The following HPD variants were observed in gnomAD, a reference collection of about 807,000 sequenced individuals.
HPD encodes 4-hydroxyphenylpyruvate dioxygenase.
A neutral mutation model predicts 56.9 loss-of-function variants in HPD; 35 were observed. The ratio of observed to expected loss-of-function variants is 0.62; its 90% confidence interval spans 0.47 to 0.82. The LOEUF is 0.82. HPD is among the 40% of genes least tolerant of loss of function. The probability of loss-of-function intolerance (pLI) is 0.00; values close to 1 mark genes in which losing one functional copy is unlikely to be tolerated. For synonymous variants in HPD, 186 were observed against 200.2 expected (o/e 0.93, Z 0.60); for missense variants, 442 against 506.8 (o/e 0.87, Z 1.23).
At chr12:121,847,738 T>G (rs967125296) in intron 9 of HPD, among the ~76,000 whole-genome samples, 1 of 152,034 alleles carries the variant, frequency 6.6e-6, no homozygotes, top group African/African-American at 2.4e-5. Context: ...TGTTTCACTG[T>G]GTTGGTCAGG....
At chr12:121,855,830 C>T (rs1349237140) in intron 6 of HPD, among the ~76,000 whole-genome samples, 3 of 151,960 alleles carry the variant, frequency 2.0e-5, no homozygotes, top group Non-Finnish European at 4.4e-5. Context: ...ACTAGCCGGG[C>T]GTGGTGGCGC....
upstream of HPD, among the ~76,000 whole-genome samples, chr12:121,865,328 G>GTC: frequency 6.6e-6 from 1 of 151,782 alleles, no homozygotes; most frequent in South Asian, 2.1e-4. Flanking sequence ...GGAGTGCACT[G>GTC]GCATGATCTC....
intron 6 of HPD, 112 bp downstream of exon 6, chr12:121,856,212 T>C (rs778593350): frequency 1.8e-5 from 15 of 819,584 alleles, no homozygotes; most frequent in East Asian, 1.7e-4. Context: ...CACTGTGATG[T>C]GGCATCTGGG....
upstream of HPD, among the ~76,000 whole-genome samples, chr12:121,866,085 C>T (rs1375213915): frequency 1.3e-5 from 2 of 151,950 alleles, no homozygotes; most frequent in Non-Finnish European, 2.9e-5. Flanking sequence ...ATCACGAGGT[C>T]GGGAGATCGA....
intron 2 of HPD, 118 bp from the exon 3 acceptor site, chr12:121,857,937 G>T: frequency 1.3e-6 from 1 of 782,768 alleles, no homozygotes; most frequent in Non-Finnish European, 2.2e-6. Context: ...GAACTTAGGA[G>T]CAGCGGAACC....
chr12:121,847,470 C>T (rs926714287), intron 9 of HPD, among the ~76,000 whole-genome samples: 3 of 152,140 alleles, frequency 2.0e-5, no homozygotes, highest in African/African-American at 4.8e-5. Flanking sequence ...TTGCTCCTCC[C>T]ACCTCAGCTT....
chr12:121,843,593 C>T (rs1406367621), intron 12 of HPD, 117 bp downstream of exon 12: 6 of 1,190,414 alleles, frequency 5.0e-6, no homozygotes, highest in South Asian at 1.3e-5. Context: ...AATAAATGTC[C>T]TTTGCCAGCA....
upstream of HPD, among the ~76,000 whole-genome samples, chr12:121,860,907 A>G (rs2137638201): frequency 6.6e-6 from 1 of 152,038 alleles, no homozygotes; most frequent in South Asian, 2.1e-4. Flanking sequence ...ACTTGTATCA[A>G]AAATAGATAA....
At chr12:121,869,380 G>A in the HPD span, among the ~76,000 whole-genome samples, 124,287 of 147,636 alleles carry the variant, frequency 0.84, 52,474 homozygotes, top group Middle Eastern at 0.91. Flanking sequence ...AAAAATTGGT[G>A]GATATGGGGT....
chr12:121,856,335 A>G lies in HPD; in HGVS notation c.313T>C (p.Tyr105His). ...DIAFEVEDCD[Y>H]IVQKARERGA... ...AGGTGCTTTCTTACCTGCACGATGTAGTCACAATCTTCCACCTCGAACGCA... is the reference window on the plus strand; with the variant it reads ...AGGTGCTTTCTTACCTGCACGATGTGGTCACAATCTTCCACCTCGAACGCA... Residue 105 changes from tyrosine (Y) to histidine (H), a missense_variant, in exon 6 of 14, where the codon TAC (tyrosine) becomes CAC (histidine). By Grantham distance (83) the Tyr-to-His change is moderately conservative (BLOSUM62 2). Coordinates refer to ENST00000289004, the MANE Select transcript of HPD (RefSeq NM_002150.3). 1 of 1,613,774 alleles carries G rather than the reference A, an allele frequency of 6.2e-7. No homozygotes were observed.
chr12:121,851,687 ATTTATTTAT>A (rs1199929084), intron 7 of HPD, among the ~76,000 whole-genome samples: 1 of 92,398 alleles, frequency 1.1e-5, no homozygotes, highest in African/African-American at 4.3e-5. Flanking sequence ...TTATTCATTT[ATTTATTTAT>A]TTATTTTTTT....
intron 7 of HPD, among the ~76,000 whole-genome samples, chr12:121,851,803 G>A (rs1592920397): frequency 5.9e-5 from 1 of 17,050 alleles, no homozygotes; most frequent in Admixed American, 5.0e-4. Context: ...TCCGCCTCCC[G>A]GGTTCACGCC....
chr12:121,886,226 A>G, the HPD span, among the ~76,000 whole-genome samples: 1 of 148,862 alleles, frequency 6.7e-6, no homozygotes, highest in Non-Finnish European at 1.5e-5. Context: ...CTCCTGCCTC[A>G]GCCTCCTGAG....
At chr12:121,841,733 G>A (rs981159413) in intron 12 of HPD, among the ~76,000 whole-genome samples, 3 of 151,900 alleles carry the variant, frequency 2.0e-5, no homozygotes, top group African/African-American at 7.3e-5. Context: ...GCCCAGGCTG[G>A]AGTGCAATGG....
chr12:121,870,042 T>C, the HPD span, among the ~76,000 whole-genome samples: 1 of 151,822 alleles, frequency 6.6e-6, no homozygotes, highest in Non-Finnish European at 1.5e-5. Context: ...CCTTCCACAA[T>C]GCTGGGATTA....
intron 11 of HPD, 112 bp downstream of exon 11, chr12:121,846,750 C>T: frequency 1.0e-6 from 1 of 976,846 alleles, no homozygotes; most frequent in African/African-American, 1.6e-5. Context: ...CTGTCAGTCT[C>T]CCAGCCCAGA....
chr12:121,865,921 AG>A (rs1434444001), upstream of HPD, among the ~76,000 whole-genome samples: 2 of 152,090 alleles, frequency 1.3e-5, no homozygotes, highest in Non-Finnish European at 2.9e-5. Flanking sequence ...TCAGAGGTGG[AG>A]GTTGCGGTAA....
intron 2 of HPD, 52 bp downstream of exon 2, chr12:121,858,635 C>T (rs1033625401): frequency 9.5e-6 from 15 of 1,575,790 alleles, no homozygotes; most frequent in East Asian, 4.5e-5. Flanking sequence ...CCCTGCACTC[C>T]GACCCCCTTC....
the HPD span, among the ~76,000 whole-genome samples, chr12:121,879,482 G>GTTCTCTTCTCTTCTCTTCTA: frequency 6.8e-6 from 1 of 147,894 alleles, no homozygotes; most frequent in East Asian, 2.0e-4. Flanking sequence ...TTTCTCTTCT[G>GTTCTCTTCTCTTCTCTTCTA]TTCTCTTCTC....
Sources: gnomAD v4.1 joint callset for allele counts (sites outside exome capture counted in the v4.1 genomes callset) on GRCh38, gnomAD v4.1.1 for gene constraint, MANE v1.5 for transcripts, NCBI Gene and HGNC (gene_info 2026-07-23, HGNC 2026-07-21) for gene names.